Variants in ASIC2 observed in about 807,000 individuals in gnomAD.
ASIC2 encodes acid sensing ion channel subunit 2, also known as acid-sensing ion channel 2.
A neutral mutation model predicts 57.3 loss-of-function variants in ASIC2; 25 were observed. The ratio of observed to expected loss-of-function variants is 0.44; its 90% CI spans 0.32 to 0.61. The LOEUF is 0.61. Ranked by LOEUF, ASIC2 falls within the 20% of genes least tolerant of loss-of-function variation. ASIC2 has a pLI of 0.06. For missense variants in ASIC2, 641 were observed against 738.1 expected, an observed-to-expected ratio of 0.87 and a Z score of 1.52; for synonymous variants, 319 against 307.5, an observed-to-expected ratio of 1.04 and a Z score of -0.39.
intron 2 of ASIC2, among the ~76,000 whole-genome samples, chr17:33,110,164 T>G (rs892999147): frequency 1.3e-5 from 2 of 152,132 alleles, no homozygotes; most frequent in African/African-American, 2.4e-5. Context: ...AGGCTTTGAG[T>G]GTGGGGTCTC....
intron 1 of ASIC2, among the ~76,000 whole-genome samples, chr17:33,612,461 T>A (rs559965380): frequency 7.2e-5 from 11 of 152,130 alleles, no homozygotes; most frequent in Admixed American, 2.0e-4. Context: ...AAGCAAGGAT[T>A]CTTTTCATGC....
At chr17:33,701,567 G>C (rs1442517209) in intron 1 of ASIC2, among the ~76,000 whole-genome samples, 2 of 152,264 alleles carry the variant, frequency 1.3e-5, no homozygotes, top group East Asian at 1.9e-4. Flanking sequence ...AAAGGGTGTT[G>C]GTCCCAGGGT....
chr17:33,804,100 C>T (rs956173137), intron 1 of ASIC2, among the ~76,000 whole-genome samples: 1 of 152,170 alleles, frequency 6.6e-6, no homozygotes, highest in Non-Finnish European at 1.5e-5. Context: ...AAATATGTGT[C>T]AGAAGTCACC....
intron 1 of ASIC2, among the ~76,000 whole-genome samples, chr17:33,422,448 C>T (rs1018699813): frequency 1.5e-4 from 23 of 152,278 alleles, no homozygotes; most frequent in African/African-American, 5.3e-4. Context: ...TTCCTCAAAC[C>T]GTTTTTAGCT....
At chr17:33,724,133 A>G (rs1454400445) in intron 1 of ASIC2, among the ~76,000 whole-genome samples, 1 of 152,092 alleles carries the variant, frequency 6.6e-6, no homozygotes. Context: ...ATAAAGAGGA[A>G]ATCCCTTTCA....
Position 33,160,541 on chromosome 17 carries a change from AT to A in ASIC2, c.709-48475del, listed in dbSNP as rs533422839. Among the ~76,000 whole-genome samples the A allele has an allele frequency of 2.6e-3, 396 of 152,196 alleles. 1 individual carries two copies. The highest frequency in any genetic ancestry group is 8.8e-3 in the African/African-American group (364 of 41,528). ...GGCAGTCCAAAGCAGCTTTTTACAC[AT>A]TTCTAGGCTACTTGGAGATCATTCT... On this transcript the variant is annotated intron_variant, in intron 1 of 9. Coordinates refer to ENST00000225823, the MANE Select transcript of ASIC2 (RefSeq NM_183377.2).
At chr17:33,469,477 TC>T (rs1208878960) in intron 1 of ASIC2, among the ~76,000 whole-genome samples, 4 of 151,980 alleles carry the variant, frequency 2.6e-5, no homozygotes, top group Non-Finnish European at 5.9e-5. Flanking sequence ...TTCCAGTTAC[TC>T]CTAAAGCTGC....
At chr17:33,868,080 T>TC (rs1443172150) in intron 1 of ASIC2, among the ~76,000 whole-genome samples, 1 of 152,214 alleles carries the variant, frequency 6.6e-6, no homozygotes, top group Non-Finnish European at 1.5e-5. Flanking sequence ...CATTTTTTTT[T>TC]CTCTCTGAGC....
chr17:33,681,297 A>G (rs1162790785), intron 1 of ASIC2, among the ~76,000 whole-genome samples: 1 of 152,168 alleles, frequency 6.6e-6, no homozygotes, highest in African/African-American at 2.4e-5. Flanking sequence ...GCGGCTGGAT[A>G]ATTCTTTGTT....
chr17:33,306,901 C>T (rs1304303645), intron 1 of ASIC2, among the ~76,000 whole-genome samples: 1 of 152,158 alleles, frequency 6.6e-6, no homozygotes, highest in Non-Finnish European at 1.5e-5. Context: ...GGCAACGAGG[C>T]AGGCTTGGGG....
At chr17:33,255,692 G>T (rs943151033) in intron 1 of ASIC2, among the ~76,000 whole-genome samples, 1 of 152,060 alleles carries the variant, frequency 6.6e-6, no homozygotes, top group African/African-American at 2.4e-5. Context: ...TGCCACTATG[G>T]TAAATTCTCA....
chr17:33,802,586 A>G (rs866380264), intron 1 of ASIC2, among the ~76,000 whole-genome samples: 1 of 152,214 alleles, frequency 6.6e-6, no homozygotes, highest in South Asian at 2.1e-4. Flanking sequence ...ACCTGCTCCA[A>G]CAACAGAAAT....
intron 1 of ASIC2, among the ~76,000 whole-genome samples, chr17:33,874,099 C>G (rs2141934003): frequency 6.6e-6 from 1 of 152,336 alleles, no homozygotes; most frequent in African/African-American, 2.4e-5. Flanking sequence ...TCAAATTGCA[C>G]TACTCAACTT....
chr17:33,528,140 G>T (rs1400199848), intron 1 of ASIC2, among the ~76,000 whole-genome samples: 1 of 121,712 alleles, frequency 8.2e-6, no homozygotes, highest in South Asian at 2.7e-4. Flanking sequence ...ATTCAAACCT[G>T]GGCCTGGCTG....
intron 1 of ASIC2, among the ~76,000 whole-genome samples, chr17:33,597,340 T>G (rs1223343095): frequency 6.6e-6 from 1 of 152,156 alleles, no homozygotes; most frequent in African/African-American, 2.4e-5. Flanking sequence ...TACTGTAGAC[T>G]CCAAGTCTCT....
Position 33,281,418 on chromosome 17 carries a change from C to T in ASIC2, c.708+9990G>A, listed in dbSNP as rs1904942484. Among the ~76,000 whole-genome samples the T allele has an allele frequency of 2.0e-5, 3 of 152,200 alleles. No homozygotes were observed. The South Asian group carries it at 6.2e-4, about 32-fold the overall frequency. ...GTAGCTCACATTTATTTAGGACCTA[C>T]ACACCTGTGCTGTGCTTTTACATAC... On this transcript the variant is annotated intron_variant, in intron 1 of 9. Coordinates refer to ENST00000225823, the MANE Select transcript of ASIC2 (RefSeq NM_183377.2).
chr17:34,085,608 G>C (rs1195131346), intron 1 of ASIC2, among the ~76,000 whole-genome samples: 5 of 152,160 alleles, frequency 3.3e-5, no homozygotes, highest in African/African-American at 4.8e-5. Flanking sequence ...GTTTCAGAAG[G>C]AATGGTACCA....
intron 1 of ASIC2, chr17:33,827,719 T>A (rs2141898155): frequency 6.6e-6 from 1 of 152,206 alleles, no homozygotes; most frequent in South Asian, 2.1e-4. Flanking sequence ...CTTTTCTTTT[T>A]TCTTTTACTT....
intron 1 of ASIC2, among the ~76,000 whole-genome samples, chr17:34,086,335 G>A (rs1910111365): frequency 6.6e-6 from 1 of 152,176 alleles, no homozygotes; most frequent in Non-Finnish European, 1.5e-5. Flanking sequence ...CAGTTTCCAT[G>A]TAGTTGAGCG....
Sources: allele counts gnomAD v4.1 joint callset (sites outside exome capture counted in the v4.1 genomes callset), GRCh38; gene constraint gnomAD v4.1.1; transcripts MANE v1.5; gene names NCBI Gene and HGNC (gene_info 2026-07-23, HGNC 2026-07-21).